Variants in MACROD2 observed in about 807,000 individuals in gnomAD.
MACROD2 encodes the protein mono-ADP ribosylhydrolase 2, also known as ADP-ribose glycohydrolase MACROD2.
A neutral mutation model predicts 70.4 loss-of-function variants in MACROD2; 36 were observed. The observed-to-expected ratio is 0.51, with a 90% CI of 0.39 to 0.68. The LOEUF (loss-of-function observed/expected upper bound fraction) is 0.68, where lower values mean the gene tolerates loss of function less well. Among genes scored for constraint, MACROD2 ranks in the 30% least tolerant of loss-of-function variants. MACROD2 has a pLI of 0.00. For synonymous variants in MACROD2, 172 were observed against 178.8 expected, an observed-to-expected ratio of 0.96 and a Z score of 0.30; for missense variants, 496 against 538.4, an observed-to-expected ratio of 0.92 and a Z score of 0.78.
chr20:15,060,929 A>G (rs2075527453), intron 5 of MACROD2, among the ~76,000 whole-genome samples: 1 of 152,180 alleles, frequency 6.6e-6, no homozygotes, highest in African/African-American at 2.4e-5. Flanking sequence ...CAGGAAGCTT[A>G]GCCTCATTAC....
intron 2 of MACROD2, among the ~76,000 whole-genome samples, chr20:14,077,669 C>T (rs534532523): frequency 2.3e-4 from 35 of 151,876 alleles, no homozygotes; most frequent in East Asian, 5.8e-4. Context: ...AAATGTAGGA[C>T]GAAATCTGAA....
chr20:14,124,447 C>T (rs2054621368), intron 3 of MACROD2, among the ~76,000 whole-genome samples: 2 of 152,142 alleles, frequency 1.3e-5, no homozygotes, highest in South Asian at 4.1e-4. Context: ...TAAAATAACC[C>T]TAGCCTTATT....
At chr20:15,863,019 G>A (rs770727041) in intron 9 of MACROD2, among the ~76,000 whole-genome samples, 193 bp downstream of exon 9, 2 of 151,746 alleles carry the variant, frequency 1.3e-5, no homozygotes, top group Non-Finnish European at 2.9e-5. Context: ...AGAGGTCACT[G>A]TGTTGTCTTG....
chr20:15,822,032 A>G (rs543880198), intron 8 of MACROD2, among the ~76,000 whole-genome samples: 12 of 152,210 alleles, frequency 7.9e-5, no homozygotes, highest in Non-Finnish European at 1.6e-4. Context: ...AATTCTGTCA[A>G]ATAATTATTA....
At chr20:15,010,055 C>A (rs962199223) in intron 5 of MACROD2, among the ~76,000 whole-genome samples, 2 of 152,118 alleles carry the variant, frequency 1.3e-5, no homozygotes, top group African/African-American at 4.8e-5. Flanking sequence ...CAACATGTTG[C>A]CCTACAGAAA....
At chr20:15,784,321 A>C (rs550314025) in intron 8 of MACROD2, among the ~76,000 whole-genome samples, 1 of 151,198 alleles carries the variant, frequency 6.6e-6, no homozygotes, top group South Asian at 2.1e-4. Context: ...AGCTCTGAGG[A>C]ATGATTTTTT....
At chr20:15,134,631 A>G (rs181313896) in intron 5 of MACROD2, among the ~76,000 whole-genome samples, 5,202 of 151,410 alleles carry the variant, frequency 0.034, 146 homozygotes, top group South Asian at 0.1. Flanking sequence ...ATCCAAAATT[A>G]ACACCCTAAC....
intron 8 of MACROD2, among the ~76,000 whole-genome samples, chr20:15,616,247 GTGTA>G (rs1349210161): frequency 6.6e-6 from 1 of 151,932 alleles, no homozygotes; most frequent in African/African-American, 2.4e-5. Context: ...GGGATTACAG[GTGTA>G]TGCCACGACA....
chr20:15,583,148 T>C (rs2048550053), intron 8 of MACROD2, among the ~76,000 whole-genome samples: 1 of 152,196 alleles, frequency 6.6e-6, no homozygotes, highest in Admixed American at 6.5e-5. Context: ...AGGGTACCAG[T>C]GCCATCCCCT....
At chr20:14,108,119 G>C (rs561542805) in intron 3 of MACROD2, among the ~76,000 whole-genome samples, 1 of 151,920 alleles carries the variant, frequency 6.6e-6, no homozygotes, top group East Asian at 1.9e-4. Context: ...AAAAGTGGGG[G>C]ATGAAGTTAA....
chr20:14,561,284 GACTA>G (rs1401466590), intron 4 of MACROD2, among the ~76,000 whole-genome samples: 1 of 151,702 alleles, frequency 6.6e-6, no homozygotes, highest in Non-Finnish European at 1.5e-5. Flanking sequence ...CTGATTAGAA[GACTA>G]ACTTTTTCAA....
At chr20:15,688,939 G>A (rs956998336) in intron 8 of MACROD2, among the ~76,000 whole-genome samples, 5 of 152,192 alleles carry the variant, frequency 3.3e-5, no homozygotes, top group African/African-American at 1.2e-4. Flanking sequence ...TGTTGTCGTG[G>A]ATAACAAGTA....
intron 8 of MACROD2, among the ~76,000 whole-genome samples, chr20:15,516,541 C>A (rs1220532580): frequency 6.6e-6 from 1 of 152,128 alleles, no homozygotes; most frequent in Non-Finnish European, 1.5e-5. Flanking sequence ...GTGCCCAGGG[C>A]AGTGCGGGTG....
chr20:14,151,414 C>T (rs1348823331), intron 3 of MACROD2, among the ~76,000 whole-genome samples: 2 of 151,946 alleles, frequency 1.3e-5, no homozygotes, highest in African/African-American at 4.8e-5. Flanking sequence ...AGGTTTTATT[C>T]CAAAACCTAA....
At chr20:15,124,958 G>T (rs1215954721) in intron 5 of MACROD2, among the ~76,000 whole-genome samples, 1 of 151,998 alleles carries the variant, frequency 6.6e-6, no homozygotes, top group Non-Finnish European at 1.5e-5. Flanking sequence ...TTTTCAAGTA[G>T]AATTGCAGTA....
intron 5 of MACROD2, among the ~76,000 whole-genome samples, chr20:14,820,075 T>C (rs906790071): frequency 6.6e-6 from 1 of 152,104 alleles, no homozygotes; most frequent in Non-Finnish European, 1.5e-5. Context: ...TAGATTTCTT[T>C]GAGAGATACT....
chr20:15,011,783 A>G lies in MACROD2; in HGVS notation c.419-218157A>G, dbSNP rs1227088487. ...ATCACTATTTCCTATCCCTTGGGTC[A>G]TGGTGTTTAGCTCAGGGTTGGTCAT... On this transcript the variant is annotated intron_variant, in intron 5 of 17. Coordinates refer to ENST00000684519, the MANE Select transcript of MACROD2 (RefSeq NM_001351661.2). 2.0e-5 allele frequency among the ~76,000 whole-genome samples: 3 copies of G among 152,150 alleles called. 1 individual carries two copies. Among genetic ancestry groups the G allele is most frequent in the Non-Finnish European group, 4.4e-5 (3 of 68,018 alleles).
At chr20:15,834,802 A>G (rs1317511170) in intron 8 of MACROD2, among the ~76,000 whole-genome samples, 1 of 152,174 alleles carries the variant, frequency 6.6e-6, no homozygotes, top group African/African-American at 2.4e-5. Flanking sequence ...TTAGTTAAAC[A>G]TTTTGTGGTA....
chr20:15,380,898 A>G (rs887994383), intron 6 of MACROD2, among the ~76,000 whole-genome samples: 1 of 152,312 alleles, frequency 6.6e-6, no homozygotes, highest in Admixed American at 6.5e-5. Context: ...ATAAAAACTC[A>G]GTCACATCAC....
Sources: allele counts gnomAD v4.1 joint callset (sites outside exome capture counted in the v4.1 genomes callset), GRCh38; gene constraint gnomAD v4.1.1; transcripts MANE v1.5; gene names NCBI Gene and HGNC (gene_info 2026-07-23, HGNC 2026-07-21).